Variants in MAP3K13 observed in about 807,000 individuals in gnomAD.
MAP3K13 encodes mitogen-activated protein kinase kinase kinase 13, also known as leucine zipper-bearing kinase.
MAP3K13 carries 52 observed loss-of-function variants against 104.0 expected under a neutral mutation model. That is an observed-to-expected ratio of 0.50 (90% confidence interval 0.40 to 0.63). MAP3K13 has a LOEUF of 0.63. Among genes scored for constraint, MAP3K13 ranks in the 20% least tolerant of loss-of-function variants. The probability of loss-of-function intolerance (pLI) is 0.00; values close to 1 mark genes in which losing one functional copy is unlikely to be tolerated. For synonymous variants in MAP3K13, 394 were observed against 442.2 expected (o/e 0.89, Z 1.37); for missense variants, 914 against 1,218.5 (o/e 0.75, Z 3.72).
chr3:185,419,559 A>G (rs1714003247), intron 1 of MAP3K13, among the ~76,000 whole-genome samples: 1 of 152,230 alleles, frequency 6.6e-6, no homozygotes, highest in South Asian at 2.1e-4. Flanking sequence ...GACCTTTTAA[A>G]CATAATTTCT....
rs374789846 is a variant in MAP3K13 at position 185,482,027 on chromosome 3, C to T, written c.2800-328C>T. On this transcript the variant is annotated intron_variant, in intron 13 of 13. Transcript: ENST00000265026. This position sits in a 1 kb window ranked among gnomAD's most constrained non-coding sequence, Gnocchi z 4.5. ...TGAATCCGGGAGGCGGAGGTTGCAGCGAGCCAAGATCGTGCCACTGCACTC... is the reference window on the plus strand; with the variant it reads ...TGAATCCGGGAGGCGGAGGTTGCAGTGAGCCAAGATCGTGCCACTGCACTC... Among the ~76,000 whole-genome samples the T allele has an allele frequency of 3.3e-5, 5 of 152,048 alleles. No individual in the cohort carries two copies. Among genetic ancestry groups the T allele is most frequent in the Admixed American group, 1.3e-4 (2 of 15,284 alleles).
chr3:185,307,541 A>ACCCCCCACCCCC (rs549544428), intron 2 of MAP3K13, among the ~76,000 whole-genome samples: 1 of 71,066 alleles, frequency 1.4e-5, no homozygotes, highest in Non-Finnish European at 2.6e-5. Flanking sequence ...TTGGTGCACC[A>ACCCCCCACCCCC]CCCCCTCCCC....
intron 2 of MAP3K13, among the ~76,000 whole-genome samples, chr3:185,300,001 C>T (rs940387291): frequency 5.3e-5 from 8 of 152,158 alleles, no homozygotes; most frequent in Non-Finnish European, 1.0e-4. Context: ...AATAACTCAC[C>T]TTTTCTCTCT....
intron 2 of MAP3K13, among the ~76,000 whole-genome samples, chr3:185,431,745 C>T (rs1414318580): frequency 6.6e-5 from 10 of 152,186 alleles, no homozygotes; most frequent in Admixed American, 2.0e-4. Flanking sequence ...CCATTATCCA[C>T]TTTTTTCATG....
chr3:185,344,384 A>G (rs1007467857), intron 2 of MAP3K13, among the ~76,000 whole-genome samples: 9 of 152,214 alleles, frequency 5.9e-5, no homozygotes, highest in Non-Finnish European at 1.0e-4. Flanking sequence ...ATCTGTGACA[A>G]AAGAATCTGT....
intron 13 of MAP3K13, 100 bp downstream of exon 13, chr3:185,480,629 C>G: frequency 1.6e-6 from 2 of 1,214,198 alleles, no homozygotes; most frequent in South Asian, 3.1e-5. Context: ...TAATAAGATA[C>G]AACAGTGGCC....
At chr3:185,326,292 A>G (rs149580007) in intron 2 of MAP3K13, among the ~76,000 whole-genome samples, 1 of 152,242 alleles carries the variant, frequency 6.6e-6, no homozygotes, top group East Asian at 1.9e-4. Flanking sequence ...TCCAACTAGG[A>G]TCAGCTCAAG....
intron 2 of MAP3K13, among the ~76,000 whole-genome samples, chr3:185,286,449 A>G (rs1274741690): frequency 6.6e-6 from 1 of 151,958 alleles, no homozygotes; most frequent in African/African-American, 2.4e-5. Flanking sequence ...GGCCTTACAC[A>G]CAGAAATTTG....
In MAP3K13 at chr3:185,384,306, T is replaced by TTATGTGTG. The variant is rs1339232862; in HGVS notation, c.-86+20939_-86+20940insATGTGTGT. On this transcript the variant is annotated intron_variant, in intron 1 of 13. Coordinates refer to ENST00000265026, the MANE Select transcript of MAP3K13 (RefSeq NM_004721.5). ...TTTTTTATGACTAAATAGTATTCCATTCTGTGTGTGTGTGTGTGTGTGTGT... is the reference window on the plus strand; with the variant it reads ...TTTTTTATGACTAAATAGTATTCCATTATGTGTGTCTGTGTGTGTGTGTGTGTGTGTGT... Among the ~76,000 whole-genome samples the TTATGTGTG allele has an allele frequency of 4.5e-5, 3 of 66,042 alleles. No individual in the cohort carries two copies. In the East Asian group the frequency reaches 1.5e-3, roughly 32 times the overall value. The allele number at this position is 66,042 out of a possible 152,430, so 43.3% of individuals were successfully genotyped here.
In MAP3K13 at chr3:185,473,609, T is replaced by A; in HGVS notation, c.2278T>A (p.Ser760Thr). 1 of 1,614,148 alleles carries A rather than the reference T, an allele frequency of 6.2e-7. No homozygotes were observed. Among genetic ancestry groups the A allele is most frequent in the Non-Finnish European group, 8.5e-7 (1 of 1,180,038 alleles). ...GGGGAGGAGCCCTGACCTTTCCAAG[T>A]CACCAGCACATAATCCTCTCTTGGA... ...PVGRSPDLSK[S>T]PAHNPLLENA... is the part of the protein sequence containing the mutation. The change falls in exon 11 of 14, where the codon TCA (serine) becomes ACA (threonine). Residue 760 changes from serine to threonine, a missense_variant. Transcript: ENST00000265026. The surrounding 1 kb of genome is among the most constrained non-coding windows in gnomAD (Gnocchi z 4.9).
chr3:185,404,966 A>G (rs1156626610), intron 1 of MAP3K13, among the ~76,000 whole-genome samples: 2 of 152,186 alleles, frequency 1.3e-5, no homozygotes, highest in Non-Finnish European at 2.9e-5. Flanking sequence ...TTTAGTTTGT[A>G]CTGGCCCTGC....
chr3:185,328,562 T>C (rs1722124896), intron 2 of MAP3K13: 5 of 152,252 alleles, frequency 3.3e-5, no homozygotes, highest in Admixed American at 3.3e-4. Flanking sequence ...GAAAGTTTTA[T>C]GAGAGGAAAG....
intron 2 of MAP3K13, among the ~76,000 whole-genome samples, chr3:185,357,447 T>TAAAAAA (rs71162295): frequency 2.0e-4 from 18 of 91,318 alleles, no homozygotes; most frequent in East Asian, 8.5e-4. Context: ...AAACTCCATC[T>TAAAAAA]AAAAAAAAAA....
chr3:185,322,264 A>G (rs1721897692), intron 2 of MAP3K13, among the ~76,000 whole-genome samples: 1 of 152,174 alleles, frequency 6.6e-6, no homozygotes, highest in Non-Finnish European at 1.5e-5. Flanking sequence ...GAAAATGTTG[A>G]CTTCTGTAAT....
chr3:185,439,441 T>G (rs1334372440), intron 3 of MAP3K13, among the ~76,000 whole-genome samples: 1 of 151,924 alleles, frequency 6.6e-6, no homozygotes, highest in Non-Finnish European at 1.5e-5. Context: ...ACAGAGACCC[T>G]CTTCTTTCTT....
chr3:185,340,387 A>T (rs1182980200), intron 2 of MAP3K13, among the ~76,000 whole-genome samples: 1 of 152,190 alleles, frequency 6.6e-6, no homozygotes, highest in Non-Finnish European at 1.5e-5. Flanking sequence ...GAGAAGGAGC[A>T]GTTGCATTTG....
rs1157461298 is a variant in MAP3K13 at position 185,450,242 on chromosome 3, T to C, written c.1169+184T>C. Among the ~76,000 whole-genome samples, 1 of 152,150 alleles carries C rather than the reference T, an allele frequency of 6.6e-6. No individual in the cohort carries two copies. The highest frequency in any genetic ancestry group is 1.5e-5 in the Non-Finnish European group (1 of 68,022). On this transcript the variant is annotated intron_variant, in intron 6 of 13. Coordinates refer to ENST00000265026, the MANE Select transcript of MAP3K13 (RefSeq NM_004721.5). The surrounding 1 kb of genome is among the most constrained non-coding windows in gnomAD (Gnocchi z 4.2). ...AATATCAGTTTTCTCATTTGTAAAATAGAGACAACACTGACTCATAGAGTT... is the reference window on the plus strand; with the variant it reads ...AATATCAGTTTTCTCATTTGTAAAACAGAGACAACACTGACTCATAGAGTT...
chr3:185,430,121 A>G (rs1283452333), intron 2 of MAP3K13, among the ~76,000 whole-genome samples: 2 of 151,960 alleles, frequency 1.3e-5, no homozygotes, highest in African/African-American at 4.8e-5. Context: ...AATTGCTTAA[A>G]CCCAGCAGAG....
intron 1 of MAP3K13, among the ~76,000 whole-genome samples, chr3:185,380,933 GA>G (rs1312436842): frequency 1.6e-4 from 24 of 151,132 alleles, no homozygotes; most frequent in African/African-American, 3.6e-4. Context: ...CCTAAAAGAG[GA>G]AGAAGGTTTT....
Sources: gnomAD v4.1 joint callset for allele counts (sites outside exome capture counted in the v4.1 genomes callset) on GRCh38, gnomAD v4.1.1 for gene constraint, Gnocchi (gnomAD v3.1) non-coding constraint, MANE v1.5 for transcripts, NCBI Gene and HGNC (gene_info 2026-07-23, HGNC 2026-07-21) for gene names.